The following EPHB4 variants were observed in gnomAD, a reference collection of about 807,000 sequenced individuals.
EPHB4 encodes the protein ephrin type-B receptor 4.
A neutral mutation model predicts 110.6 loss-of-function variants in EPHB4; 50 were observed. The observed-to-expected ratio is 0.45, with a 90% CI of 0.36 to 0.57. The LOEUF is 0.57. Ranked by LOEUF, EPHB4 falls within the 20% of genes least tolerant of loss-of-function variation. The pLI, the probability that EPHB4 is intolerant of heterozygous loss-of-function variation, is 0.00. For synonymous variants in EPHB4, 592 were observed against 578.4 expected (o/e 1.02, Z -0.34); for missense variants, 1,128 against 1,382.1 (o/e 0.82, Z 2.91).
rs1435044786 is a variant in EPHB4, at chr7:100,822,731, T to C, written c.412-64A>G. 5 of 1,448,954 alleles carry C rather than the reference T, an allele frequency of 3.5e-6. No homozygotes were observed. The East Asian group carries it at 7.5e-5, about 22-fold the overall frequency. The allele number at this position is 1,448,954 out of a possible 1,614,324, so 89.8% of individuals were successfully genotyped here. A position where few individuals can be genotyped will look rare whatever the true frequency, so the allele number is the denominator to read the frequency against. On this transcript the variant is annotated intron_variant, in intron 3 of 16. Transcript: ENST00000358173. The surrounding 1 kb of genome is among the most constrained non-coding windows in gnomAD (Gnocchi z 4.7). ...TCCCTGAGGACCCAGCGGACTGTTG[T>C]GTTCTTCCCAGCTCACCCTCCCGGA...
chr7:100,806,487 T>A lies in EPHB4; in HGVS notation c.2417A>T (p.Tyr806Phe). 2.5e-6 allele frequency: 4 copies of A among 1,614,052 alleles called. No individual in the cohort carries two copies. The highest frequency in any genetic ancestry group is 3.4e-6 in the Non-Finnish European group (4 of 1,180,006). The change falls in exon 14 of 17, where the codon TAC becomes TTC. Residue 806 changes from tyrosine (Y) to phenylalanine (F), a missense_variant. Coordinates refer to ENST00000358173, the MANE Select transcript of EPHB4 (RefSeq NM_004444.5). The stretch of plus-strand genomic sequence containing the variant: ...CATCACCTCCCACATCACAATCCCG[T>A]AACTCCAGGCATCACTGGCGGAAGT... ...KFTSASDAWS[Y>F]GIVMWEVMSF...
At chr7:100,826,751 G>C (rs1315314180) in intron 1 of EPHB4, 1 of 466,160 alleles carries the variant, frequency 2.1e-6, no homozygotes, top group Non-Finnish European at 3.8e-6. Context: ...GGAATGTCCC[G>C]GGTCGTAGCC....
intron 12 of EPHB4, among the ~76,000 whole-genome samples, chr7:100,811,936 C>T (rs1187962323): frequency 6.6e-6 from 1 of 151,784 alleles, no homozygotes; most frequent in Non-Finnish European, 1.5e-5. Context: ...CTTTGGGAGG[C>T]CGAGGCAGGC....
At chr7:100,820,343 T>A (rs1017001778) in intron 4 of EPHB4, 47 bp from the exon 5 acceptor site, 1 of 1,592,428 alleles carries the variant, frequency 6.3e-7, no homozygotes, top group Non-Finnish European at 8.6e-7. Context: ...AAAACATCCA[T>A]CTGCACGGTG....
chr7:100,822,337 G>C lies in EPHB4; in HGVS notation c.742C>G (p.Gln248Glu), dbSNP rs1255155557. 1 of 1,568,174 alleles carries C rather than the reference G, an allele frequency of 6.4e-7. No homozygotes were observed. The highest frequency in any genetic ancestry group is 8.7e-7 in the Non-Finnish European group (1 of 1,155,470). ...GCACAGCTGCAGCCCGTGACCGGCT[G>C]TTCGGCCCACTGGCCATCCTCACGG... ...YCREDGQWAE[Q>E]PVTGCSCAPG... The change falls in exon 4 of 17, where the codon CAG becomes GAG. Residue 248 changes from glutamine (Q) to glutamate (E), a missense_variant. Physicochemically the swap from Gln to Glu is conservative, Grantham distance 29. Transcript: ENST00000358173. This position sits in a 1 kb window ranked among gnomAD's most constrained non-coding sequence, Gnocchi z 4.7.
In EPHB4 at chr7:100,822,515, T is replaced by C. The variant is rs201682575; in HGVS notation, c.564A>G (p.Leu188=). Residue 188 remains leucine (L), a synonymous_variant, in exon 4 of 17, where the codon CTA becomes CTG. Transcript: ENST00000358173. The surrounding 1 kb of genome is among the most constrained non-coding windows in gnomAD (Gnocchi z 4.7). ...FQDQGACMAL[L]SLHLFYKKCA... is the part of the protein sequence containing the mutation. ...ACTTTTTGTAGAAGAGGTGCAGGGA[T>C]AGCAGGGCCATGCAGGCACCCTGGT... 2.5e-6 allele frequency: 4 copies of C among 1,613,512 alleles called. No homozygotes were observed. Among genetic ancestry groups the C allele is most frequent in the African/African-American group, 2.7e-5 (2 of 75,054 alleles).
In EPHB4 at chr7:100,814,025, C is replaced by A. The variant is rs368384954; in HGVS notation, c.1589-4G>T. ...TGCTCCCGCCAGCCCTCGCTCTCTG[C>A]GGAAGGAAAGGCTGCTGATCAGGAG... On this transcript the variant is annotated splice_polypyrimidine_tract_variant and splice_region_variant and intron_variant, in intron 8 of 16. Coordinates refer to ENST00000358173, the MANE Select transcript of EPHB4 (RefSeq NM_004444.5). 4 of 1,613,472 alleles carry A rather than the reference C, an allele frequency of 2.5e-6. No homozygotes were observed. The South Asian group carries it at 3.3e-5, about 13-fold the overall frequency.
At chr7:100,810,915 A>G (rs899705746) in intron 12 of EPHB4, among the ~76,000 whole-genome samples, 2 of 152,098 alleles carry the variant, frequency 1.3e-5, no homozygotes, top group Non-Finnish European at 2.9e-5. Context: ...TGTTCAATGC[A>G]ATGTTATTTT....
chr7:100,816,554 G>A (rs185140668), intron 8 of EPHB4, among the ~76,000 whole-genome samples: 1 of 151,842 alleles, frequency 6.6e-6, no homozygotes, highest in Admixed American at 6.6e-5. Flanking sequence ...GACTGGTCTC[G>A]AACTCCTGAC....
In EPHB4 at chr7:100,813,224, G is replaced by A. The variant is rs1263413069; in HGVS notation, c.1757-16C>T. 1 of 1,593,438 alleles carries A rather than the reference G, an allele frequency of 6.3e-7. No homozygotes were observed. The highest frequency in any genetic ancestry group is 1.7e-5 in the Admixed American group (1 of 59,824). ...ACCTTAGTACCTGAGAAATCAGGCAGGGCCCCGTCAGCTGGGAATTAACTC... is the reference window on the plus strand; with the variant it reads ...ACCTTAGTACCTGAGAAATCAGGCAAGGCCCCGTCAGCTGGGAATTAACTC... On this transcript the variant is annotated splice_polypyrimidine_tract_variant and intron_variant, in intron 10 of 16. Transcript: ENST00000358173.
chr7:100,817,638 C>T (rs968924980), intron 7 of EPHB4, among the ~76,000 whole-genome samples: 2 of 152,092 alleles, frequency 1.3e-5, no homozygotes, highest in Admixed American at 6.6e-5. Flanking sequence ...CAGTGATTCT[C>T]CTGTCTCAGC....
At chr7:100,803,801 G>C (rs1425425495) in intron 16 of EPHB4, among the ~76,000 whole-genome samples, 1 of 152,186 alleles carries the variant, frequency 6.6e-6, no homozygotes, top group Non-Finnish European at 1.5e-5. Flanking sequence ...TAGGGCTGGA[G>C]GCCAGAGGCA....
intron 12 of EPHB4, among the ~76,000 whole-genome samples, chr7:100,809,608 G>A (rs1487469499): frequency 6.6e-6 from 1 of 152,020 alleles, no homozygotes; most frequent in African/African-American, 2.4e-5. Flanking sequence ...CGATCTCCCA[G>A]GCTTAAGTGA....
At chr7:100,814,454 T>A (rs1212490880) in intron 8 of EPHB4, among the ~76,000 whole-genome samples, 1 of 152,118 alleles carries the variant, frequency 6.6e-6, no homozygotes, top group African/African-American at 2.4e-5. Context: ...ATTTGTGTAT[T>A]TTTAGTAGAG....
chr7:100,816,525 G>A (rs116979562), intron 8 of EPHB4, among the ~76,000 whole-genome samples: 2,325 of 151,970 alleles, frequency 0.015, 22 homozygotes, highest in Non-Finnish European at 0.023. Context: ...GTAGAGACGC[G>A]GTTTCACCAT....
Position 100,805,680 on chromosome 7 carries a change from A to G in EPHB4, c.2499T>C (p.Ile833=). The stretch of plus-strand genomic sequence containing the variant: ...GCGGGGGCAGCCGGTAGTCCTGTTC[A>G]ATGGCATTGATCACCTGGAAAGAGG... The part of the protein sequence containing the change: ...DMSNQDVINA[I]EQDYRLPPPP... Residue 833 remains isoleucine, a synonymous_variant, in exon 15 of 17, where the codon ATT becomes ATC. Transcript: ENST00000358173. 1.3e-6 allele frequency: 2 copies of G among 1,497,936 alleles called. No homozygotes were observed. The highest frequency in any genetic ancestry group is 8.9e-7 in the Non-Finnish European group (1 of 1,125,040). 92.8% of individuals were successfully genotyped at this position (1,497,936 alleles called of 1,614,324 possible). A position where few individuals can be genotyped will look rare whatever the true frequency, so the allele number is the denominator to read the frequency against.
At position 100,823,769 on chromosome 7, in the gene EPHB4, C is replaced by T. The variant is rs772798505; in HGVS notation, c.286G>A (p.Glu96Lys). Residue 96 changes from glutamate to lysine, a missense_variant, in exon 3 of 17, where the codon GAG becomes AAG. By Grantham distance (56) the Glu-to-Lys change is moderately conservative (BLOSUM62 1). This residue lies in a region of EPHB4 where 728 missense variants were observed against 828.6 expected (regional missense o/e 0.88). Coordinates refer to ENST00000358173, the MANE Select transcript of EPHB4 (RefSeq NM_004444.5). ...CCAGCCCGAGGCAGGGACAGGCACT[C>T]GAGCATGGTGAAGCGCAGCGTGGCG... The part of the protein sequence containing the change: ...VYATLRFTML[E>K]CLSLPRAGRS... 5.0e-6 allele frequency: 8 copies of T among 1,613,438 alleles called. No homozygotes were observed. The highest frequency in any genetic ancestry group is 1.6e-4 in the Middle Eastern group (1 of 6,084).
Position 100,823,937 on chromosome 7 carries a change from C to T in EPHB4, c.124-6G>A. 6.4e-7 allele frequency: 1 copy of T among 1,572,904 alleles called. No homozygotes were observed. ...AGGCCGCTCAGTTCCTCCCACTGTG[C>T]AGAGAAGGAGGTCAGCAAGGGGGCT... On this transcript the variant is annotated splice_polypyrimidine_tract_variant and splice_region_variant and intron_variant, in intron 2 of 16. Coordinates refer to ENST00000358173, the MANE Select transcript of EPHB4 (RefSeq NM_004444.5).
chr7:100,804,406 C>T (rs1812769228), intron 16 of EPHB4, among the ~76,000 whole-genome samples: 1 of 146,218 alleles, frequency 6.8e-6, no homozygotes, highest in African/African-American at 2.5e-5. Flanking sequence ...CCTCCACCTC[C>T]CGGGTTCAAG....
Sources: allele counts gnomAD v4.1 joint callset (sites outside exome capture counted in the v4.1 genomes callset), GRCh38; gene constraint gnomAD v4.1.1; regional missense constraint gnomAD v4.1.1; non-coding constraint Gnocchi (gnomAD v3.1); transcripts MANE v1.5; gene names NCBI Gene and HGNC (gene_info 2026-07-23, HGNC 2026-07-21).